Variants in PDSS2 observed in about 807,000 individuals in gnomAD.
PDSS2 encodes the protein all trans-polyprenyl-diphosphate synthase PDSS2.
In PDSS2, 31 loss-of-function variants were observed where a neutral mutation model predicts 44.5. That is an observed-to-expected ratio of 0.70 (90% CI 0.52 to 0.94). PDSS2 has a LOEUF of 0.94. PDSS2 is among the 40% of genes least tolerant of loss of function. The probability of loss-of-function intolerance (pLI) is 0.00; values close to 1 mark genes in which losing one functional copy is unlikely to be tolerated. For missense variants in PDSS2, 452 were observed against 482.2 expected, an observed-to-expected ratio of 0.94 and a Z score of 0.59; for synonymous variants, 157 against 180.3, an observed-to-expected ratio of 0.87 and a Z score of 1.03.
intron 3 of PDSS2, among the ~76,000 whole-genome samples, chr6:107,255,554 G>A (rs547252668): frequency 1.7e-4 from 26 of 149,978 alleles, no homozygotes; most frequent in Non-Finnish European, 3.5e-4. Flanking sequence ...AGCCGAGATC[G>A]TGCCATTGCA....
intron 2 of PDSS2, among the ~76,000 whole-genome samples, chr6:107,319,741 G>A (rs1030026952): frequency 3.3e-5 from 5 of 152,122 alleles, no homozygotes; most frequent in African/African-American, 9.7e-5. Context: ...CCTATAAACC[G>A]TTGCAGACGT....
At chr6:107,371,102 C>T (rs1049963362) in intron 1 of PDSS2, among the ~76,000 whole-genome samples, 1 of 151,886 alleles carries the variant, frequency 6.6e-6, no homozygotes. Context: ...ATCGCTTGAA[C>T]CCAGGAGGTA....
intron 7 of PDSS2, among the ~76,000 whole-genome samples, chr6:107,178,202 CG>C (rs1562355197): frequency 6.6e-6 from 1 of 152,208 alleles, no homozygotes; most frequent in East Asian, 1.9e-4. Context: ...GCACCTCAAA[CG>C]ACAGAGAAAT....
intron 1 of PDSS2, among the ~76,000 whole-genome samples, chr6:107,422,946 T>A (rs983313341): frequency 1.3e-5 from 2 of 152,132 alleles, no homozygotes; most frequent in African/African-American, 2.4e-5. Context: ...AAGCACTACA[T>A]AATTTTTTTT....
At chr6:107,210,079 G>A (rs1213083277) in intron 6 of PDSS2, among the ~76,000 whole-genome samples, 1 of 152,016 alleles carries the variant, frequency 6.6e-6, no homozygotes, top group East Asian at 1.9e-4. Context: ...TCTGCAGCTT[G>A]TGCGAGAGTC....
intron 1 of PDSS2, among the ~76,000 whole-genome samples, chr6:107,335,461 A>G (rs1183484297): frequency 6.6e-6 from 1 of 152,218 alleles, no homozygotes; most frequent in East Asian, 1.9e-4. Context: ...GATTAAACCA[A>G]ATTCAAAAGA....
intron 1 of PDSS2, among the ~76,000 whole-genome samples, chr6:107,379,552 G>C (rs947340872): frequency 6.6e-6 from 1 of 152,090 alleles, no homozygotes; most frequent in Non-Finnish European, 1.5e-5. Context: ...TGTAGCTCTT[G>C]TATTTTTTGC....
chr6:107,193,553 T>C (rs1323024945), intron 7 of PDSS2, among the ~76,000 whole-genome samples: 1 of 152,220 alleles, frequency 6.6e-6, no homozygotes, highest in East Asian at 1.9e-4. Flanking sequence ...CCCACTAGAA[T>C]TGTAAATATT....
intron 2 of PDSS2, among the ~76,000 whole-genome samples, chr6:107,322,945 A>G (rs1777428184): frequency 6.6e-6 from 1 of 152,204 alleles, no homozygotes; most frequent in South Asian, 2.1e-4. Flanking sequence ...GAGATAACCA[A>G]TCAGAGAATC....
chr6:107,156,472 G>A lies in PDSS2; in HGVS notation c.1042-1695C>T, dbSNP rs181169117. 1.5e-3 allele frequency among the ~76,000 whole-genome samples: 222 copies of A among 152,286 alleles called. 2 individuals carry two copies. Among genetic ancestry groups the A allele is most frequent in the African/African-American group, 5.0e-3 (209 of 41,562 alleles). On this transcript the variant is annotated intron_variant, in intron 7 of 7. Transcript: ENST00000369037. ...GCCTCCCAAAGTGCTGGGATTACAG[G>A]CGTGAGCCACCATGCCTGGCCAGTC...
intron 1 of PDSS2, among the ~76,000 whole-genome samples, chr6:107,437,098 C>T (rs974739267): frequency 3.9e-5 from 6 of 152,148 alleles, no homozygotes; most frequent in Admixed American, 2.6e-4. Context: ...CTCCTGGCCT[C>T]GAGCCATTCT....
chr6:107,178,960 A>C (rs1228001704), intron 7 of PDSS2, among the ~76,000 whole-genome samples: 2 of 152,206 alleles, frequency 1.3e-5, no homozygotes, highest in East Asian at 1.9e-4. Context: ...AGGTTATTTG[A>C]GCTCTTCTCT....
chr6:107,264,382 A>C, intron 3 of PDSS2: 1 of 1,542,552 alleles, frequency 6.5e-7, no homozygotes, highest in Non-Finnish European at 8.7e-7. Flanking sequence ...GGAAGTATAA[A>C]TCACTAATGC....
At chr6:107,317,793 G>A (rs924606279) in intron 2 of PDSS2, among the ~76,000 whole-genome samples, 2 of 152,162 alleles carry the variant, frequency 1.3e-5, no homozygotes, top group African/African-American at 2.4e-5. Flanking sequence ...AAAATAATGT[G>A]AGCACTTTAC....
intron 4 of PDSS2, among the ~76,000 whole-genome samples, chr6:107,223,215 C>T (rs1186217228): frequency 6.6e-6 from 1 of 150,908 alleles, no homozygotes; most frequent in African/African-American, 2.5e-5. Flanking sequence ...AGGTGTGAAC[C>T]ACTGCGCTCT....
At chr6:107,334,170 C>CAAAAAG in intron 2 of PDSS2, 28 bp downstream of exon 2, 1 of 1,601,198 alleles carries the variant, frequency 6.2e-7, no homozygotes, top group Non-Finnish European at 8.6e-7. Flanking sequence ...ATGTAGAGAG[C>CAAAAAG]AATGTCAAAA....
intron 1 of PDSS2, among the ~76,000 whole-genome samples, chr6:107,433,783 A>C (rs1172277619): frequency 6.6e-6 from 1 of 152,210 alleles, no homozygotes; most frequent in Non-Finnish European, 1.5e-5. Flanking sequence ...ATCACATCAA[A>C]TTAAAAAGCT....
chr6:107,185,276 C>A (rs111744342), intron 7 of PDSS2, among the ~76,000 whole-genome samples: 4 of 152,194 alleles, frequency 2.6e-5, no homozygotes, highest in African/African-American at 9.6e-5. Context: ...AGCTCATTTA[C>A]GGCACAGTCC....
chr6:107,447,578 C>A (rs372501934), intron 1 of PDSS2, among the ~76,000 whole-genome samples: 1 of 152,184 alleles, frequency 6.6e-6, no homozygotes, highest in South Asian at 2.1e-4. Context: ...GAGGTGGGCT[C>A]CCACAGTCTT....
Sources: gnomAD v4.1 joint callset for allele counts (sites outside exome capture counted in the v4.1 genomes callset) on GRCh38, gnomAD v4.1.1 for gene constraint, MANE v1.5 for transcripts, NCBI Gene and HGNC (gene_info 2026-07-23, HGNC 2026-07-21) for gene names.